KCNK9: variants seen among roughly 807,000 people sequenced by gnomAD.
The protein encoded by KCNK9 is potassium two pore domain channel subfamily K member 9.
A neutral mutation model predicts 10.8 loss-of-function variants in KCNK9; 1 was observed. That is an observed-to-expected ratio of 0.09 (90% CI 0.03 to 0.44). The LOEUF (loss-of-function observed/expected upper bound fraction) is 0.44, where lower values mean the gene tolerates loss of function less well. KCNK9 is among the 20% of genes least tolerant of loss of function. The probability of loss-of-function intolerance (pLI) is 0.97; values close to 1 mark genes in which losing one functional copy is unlikely to be tolerated. For missense variants in KCNK9, 303 were observed against 515.0 expected, an observed-to-expected ratio of 0.59 and a Z score of 3.98; for synonymous variants, 231 against 222.7, an observed-to-expected ratio of 1.04 and a Z score of -0.33.
chr8:139,610,246 C>T (rs1047851713), downstream of KCNK9, among the ~76,000 whole-genome samples: 9 of 152,178 alleles, frequency 5.9e-5, no homozygotes, highest in African/African-American at 2.2e-4. Context: ...CCTCAGAGGA[C>T]CCTGTGCTGG....
intron 1 of KCNK9, among the ~76,000 whole-genome samples, chr8:139,691,449 G>A (rs1215559574): frequency 6.6e-6 from 1 of 152,158 alleles, no homozygotes; most frequent in African/African-American, 2.4e-5. Context: ...ACCCACCCCT[G>A]CTTGTACAGT....
intron 1 of KCNK9, among the ~76,000 whole-genome samples, chr8:139,680,397 C>T (rs1160129989): frequency 6.6e-6 from 1 of 152,232 alleles, no homozygotes; most frequent in African/African-American, 2.4e-5. Context: ...CTACAAGTAG[C>T]AGCTTGGGGG....
At chr8:139,616,354 C>CA (rs1186426223), downstream of KCNK9, 1 of 152,128 alleles carries the variant, frequency 6.6e-6, no homozygotes, top group Non-Finnish European at 1.5e-5. Context: ...TCCCATTAAA[C>CA]AAAATCTTAA....
At chr8:139,605,086 G>A (rs535698366) in intron 2 of KCNK9, among the ~76,000 whole-genome samples, 2 of 152,354 alleles carry the variant, frequency 1.3e-5, no homozygotes, top group South Asian at 4.1e-4. Flanking sequence ...CTATGGAGCT[G>A]GAAGGAGCAG....
chr8:139,626,659 G>C (rs1473560881), intron 1 of KCNK9, among the ~76,000 whole-genome samples: 1 of 152,210 alleles, frequency 6.6e-6, no homozygotes, highest in Non-Finnish European at 1.5e-5. Context: ...ACCCATGGCT[G>C]TCTCCCCCAG....
intron 1 of KCNK9, among the ~76,000 whole-genome samples, chr8:139,673,196 G>A (rs961307335): frequency 6.6e-6 from 1 of 152,090 alleles, no homozygotes; most frequent in African/African-American, 2.4e-5. Flanking sequence ...GCATAGGCCT[G>A]GGGGGAATGG....
At chr8:139,613,550 G>T (rs1012091051), downstream of KCNK9, among the ~76,000 whole-genome samples, 3 of 152,088 alleles carry the variant, frequency 2.0e-5, no homozygotes, top group Admixed American at 2.0e-4. Context: ...CTTTCTTCTG[G>T]GTGGCTCAAG....
At chr8:139,604,631 C>G (rs1817446980) in intron 2 of KCNK9, among the ~76,000 whole-genome samples, 1 of 152,146 alleles carries the variant, frequency 6.6e-6, no homozygotes, top group South Asian at 2.1e-4. Flanking sequence ...GATTTAAGAC[C>G]CCAAGTCACA....
chr8:139,684,617 C>A (rs1397267993), intron 1 of KCNK9, among the ~76,000 whole-genome samples: 1 of 152,158 alleles, frequency 6.6e-6, no homozygotes, highest in Non-Finnish European at 1.5e-5. Flanking sequence ...TTTACATAGG[C>A]AAGCTTATCT....
At chr8:139,661,684 G>T (rs1310035515) in intron 1 of KCNK9, among the ~76,000 whole-genome samples, 2 of 152,246 alleles carry the variant, frequency 1.3e-5, no homozygotes, top group Non-Finnish European at 2.9e-5. Context: ...TCCCAGGAGA[G>T]GCCAACAGGG....
intron 1 of KCNK9, among the ~76,000 whole-genome samples, chr8:139,624,832 G>A (rs921807708): frequency 3.9e-5 from 6 of 152,208 alleles, no homozygotes; most frequent in East Asian, 3.9e-4. Context: ...GGCCGGTGAC[G>A]GGGTTCCTGC....
At chr8:139,625,126 C>T (rs143780888) in intron 1 of KCNK9, among the ~76,000 whole-genome samples, 46 of 151,708 alleles carry the variant, frequency 3.0e-4, no homozygotes, top group Middle Eastern at 3.4e-3. Flanking sequence ...TGAGCCGAGC[C>T]CCACCTCAGG....
At chr8:139,691,293 C>T (rs890353638) in intron 1 of KCNK9, among the ~76,000 whole-genome samples, 1 of 152,236 alleles carries the variant, frequency 6.6e-6, no homozygotes, top group Non-Finnish European at 1.5e-5. Context: ...ACCGTGGATA[C>T]CAGCTTTCCA....
intron 1 of KCNK9, among the ~76,000 whole-genome samples, chr8:139,690,120 C>A (rs754008084): frequency 6.6e-6 from 1 of 152,194 alleles, no homozygotes; most frequent in Non-Finnish European, 1.5e-5. Flanking sequence ...ACATCACTAG[C>A]TAACTGATAA....
intron 1 of KCNK9, among the ~76,000 whole-genome samples, chr8:139,687,411 CATATATGTGTATACAT>C (rs1233558090): frequency 2.7e-5 from 2 of 73,130 alleles, no homozygotes; most frequent in African/African-American, 9.9e-5. Flanking sequence ...CATATATATT[CATATATGTGTATACAT>C]ATATATTCAT....
chr8:139,626,320 C>G (rs191447256), intron 1 of KCNK9, among the ~76,000 whole-genome samples: 1 of 152,294 alleles, frequency 6.6e-6, no homozygotes, highest in Non-Finnish European at 1.5e-5. Context: ...GAGAGGTAGA[C>G]AGAGCAGGGC....
Position 139,618,458 on chromosome 8 carries a change from C to T in KCNK9, c.925G>A (p.Gly309Ser), listed in dbSNP as rs778957507. Residue 309 changes from glycine (G) to serine (S), a missense_variant, in exon 2 of 2, where the codon GGC becomes AGC. By Grantham distance (56) the Gly-to-Ser change is moderately conservative. This residue lies in a region of KCNK9 where 138 missense variants were observed against 161.1 expected (regional missense o/e 0.86). Transcript: ENST00000520439. The surrounding 1 kb of genome is among the most constrained non-coding windows in gnomAD (Gnocchi z 7.9). Reference sequence around the variant, plus strand: ...GAGTTCTGCGGTGCCACCGAGCGGCCGCCATAGTCCTGCGAGCGGTAGCAG... The same window carrying T: ...GAGTTCTGCGGTGCCACCGAGCGGCTGCCATAGTCCTGCGAGCGGTAGCAG... ...CTCYRSQDYGGRSVAPQNSFS... is the reference protein window; with the variant it reads ...CTCYRSQDYGSRSVAPQNSFS... The T allele has an allele frequency of 3.7e-6, 6 of 1,614,014 alleles. No homozygotes were observed. The highest frequency in any genetic ancestry group is 4.5e-5 in the East Asian group (2 of 44,870).
At chr8:139,640,399 A>C (rs916291530) in intron 1 of KCNK9, among the ~76,000 whole-genome samples, 1 of 152,138 alleles carries the variant, frequency 6.6e-6, no homozygotes, top group Non-Finnish European at 1.5e-5. Context: ...GGCTGCTGGG[A>C]TGTGGATGTG....
chr8:139,674,087 T>G (rs552727561), intron 1 of KCNK9, among the ~76,000 whole-genome samples: 2 of 152,270 alleles, frequency 1.3e-5, no homozygotes, highest in Non-Finnish European at 2.9e-5. Flanking sequence ...TGGGGTGTAT[T>G]GTGGAATGAA....
Sources: allele counts gnomAD v4.1 joint callset (sites outside exome capture counted in the v4.1 genomes callset), GRCh38; gene constraint gnomAD v4.1.1; regional missense constraint gnomAD v4.1.1; non-coding constraint Gnocchi (gnomAD v3.1); transcripts MANE v1.5; gene names NCBI Gene and HGNC (gene_info 2026-07-23, HGNC 2026-07-21).